The following PCDH15 variants were observed in gnomAD, a reference collection of about 807,000 sequenced individuals.
PCDH15 encodes protocadherin-15.
A neutral mutation model predicts 178.5 loss-of-function variants in PCDH15; 129 were observed. The ratio of observed to expected loss-of-function variants is 0.72; its 90% CI spans 0.63 to 0.84. The LOEUF (loss-of-function observed/expected upper bound fraction) is 0.84. Among genes scored for constraint, PCDH15 ranks in the 40% least tolerant of loss-of-function variants. PCDH15 has a pLI of 0.00. For missense variants in PCDH15, 2,230 were observed against 2,099.9 expected (o/e 1.06, Z -1.21); for synonymous variants, 800 against 732.0 (o/e 1.09, Z -1.50).
chr10:55,283,201 C>T (rs1842777156), intron 1 of PCDH15, among the ~76,000 whole-genome samples: 1 of 152,036 alleles, frequency 6.6e-6, no homozygotes. Flanking sequence ...CTGGATGAAT[C>T]AGCTGGCACC....
chr10:55,210,444 A>T (rs1242297780), intron 1 of PCDH15, among the ~76,000 whole-genome samples: 1 of 151,838 alleles, frequency 6.6e-6, no homozygotes, highest in African/African-American at 2.4e-5. Flanking sequence ...TTTAAAACAT[A>T]ATTTGAAGAA....
intron 2 of PCDH15, among the ~76,000 whole-genome samples, chr10:55,589,366 G>A (rs911022177): frequency 2.0e-5 from 3 of 152,108 alleles, no homozygotes; most frequent in African/African-American, 7.2e-5. Context: ...AGTAGTTATA[G>A]ATATACGGCG....
chr10:54,793,641 T>G (rs1175758249), intron 1 of PCDH15, among the ~76,000 whole-genome samples: 1 of 149,398 alleles, frequency 6.7e-6, no homozygotes, highest in Non-Finnish European at 1.5e-5. Flanking sequence ...AGCCATAATT[T>G]ATATATGTAT....
intron 28 of PCDH15, among the ~76,000 whole-genome samples, chr10:53,841,947 G>GAAAA (rs539058922): frequency 4.0e-5 from 4 of 100,902 alleles, no homozygotes; most frequent in Admixed American, 1.1e-4. Flanking sequence ...TCTCCAAAGG[G>GAAAA]AAAAAAAAAA....
At chr10:55,218,159 G>A (rs574014703) in intron 1 of PCDH15, among the ~76,000 whole-genome samples, 1 of 152,030 alleles carries the variant, frequency 6.6e-6, no homozygotes, top group East Asian at 1.9e-4. Flanking sequence ...TTGCACATGA[G>A]AAAGTGAAAG....
chr10:55,392,287 G>A (rs1420274928), intron 2 of PCDH15, among the ~76,000 whole-genome samples: 2 of 152,206 alleles, frequency 1.3e-5, no homozygotes, highest in Non-Finnish European at 2.9e-5. Flanking sequence ...CTTGCTAAAA[G>A]TGAGGTTGGC....
At chr10:54,122,021 A>ACG (rs2095229468) in intron 15 of PCDH15, among the ~76,000 whole-genome samples, 1 of 150,684 alleles carries the variant, frequency 6.6e-6, no homozygotes, top group African/African-American at 2.5e-5. Context: ...ACACACACAC[A>ACG]CACACACACA....
intron 8 of PCDH15, among the ~76,000 whole-genome samples, chr10:54,271,765 T>C (rs2058061062): frequency 6.6e-6 from 1 of 151,986 alleles, no homozygotes; most frequent in Non-Finnish European, 1.5e-5. Flanking sequence ...TACAACATGT[T>C]TGTGTTCCCA....
intron 2 of PCDH15, among the ~76,000 whole-genome samples, chr10:54,554,576 C>G (rs2086965850): frequency 6.6e-6 from 1 of 151,894 alleles, no homozygotes; most frequent in African/African-American, 2.4e-5. Context: ...GGAGGCTACC[C>G]CAAGACTTTC....
chr10:54,870,555 G>T (rs1391542331), intron 3 of PCDH15, among the ~76,000 whole-genome samples: 6 of 152,154 alleles, frequency 3.9e-5, no homozygotes, highest in Non-Finnish European at 1.5e-5. Flanking sequence ...GGAGGCCGAG[G>T]TGGGCGGATC....
intron 1 of PCDH15, among the ~76,000 whole-genome samples, chr10:54,673,212 C>A (rs2094709960): frequency 6.6e-6 from 1 of 151,872 alleles, no homozygotes; most frequent in Admixed American, 6.6e-5. Flanking sequence ...CTAATGCTAT[C>A]CCTCCCCTAA....
intron 2 of PCDH15, among the ~76,000 whole-genome samples, chr10:54,913,359 C>T (rs1486116395): frequency 6.6e-6 from 1 of 152,166 alleles, no homozygotes; most frequent in African/African-American, 2.4e-5. Flanking sequence ...TCAGAAGGTG[C>T]AAGCCCCAAG....
intron 3 of PCDH15, among the ~76,000 whole-genome samples, chr10:54,386,015 G>T (rs1307827022): frequency 4.0e-5 from 6 of 150,790 alleles, no homozygotes; most frequent in African/African-American, 1.5e-4. Context: ...GTCTTTTTTA[G>T]CTTATTACTT....
intron 2 of PCDH15, among the ~76,000 whole-genome samples, chr10:55,382,403 G>C (rs530196041): frequency 6.6e-6 from 1 of 152,266 alleles, no homozygotes; most frequent in African/African-American, 2.4e-5. Flanking sequence ...GAAGGAGACT[G>C]TGAAGTCTAA....
In PCDH15 at chr10:53,825,127, TTTAC is replaced by T. The variant is rs531963480; in HGVS notation, c.4367+2262_4367+2265del. On this transcript the variant is annotated intron_variant, in intron 32 of 37. Coordinates refer to ENST00000644397, the MANE Select transcript of PCDH15 (RefSeq NM_001384140.1). ...ACGCTCTTCTATTAGAGTGATATTA[TTTAC>T]TTACTTATGCCTATGTATCCACAGG... 2.1e-4 allele frequency: 331 copies of T among 1,540,814 alleles called. 1 individual carries two copies. In the African/African-American group the frequency reaches 2.2e-3, roughly 10 times the overall value.
chr10:55,352,958 T>C (rs879847914), intron 2 of PCDH15, among the ~76,000 whole-genome samples: 1 of 152,118 alleles, frequency 6.6e-6, no homozygotes, highest in African/African-American at 2.4e-5. Flanking sequence ...CACCAAAAAC[T>C]GCAACACCTG....
chr10:54,222,410 G>A (rs2052938482), intron 9 of PCDH15, among the ~76,000 whole-genome samples: 1 of 152,168 alleles, frequency 6.6e-6, no homozygotes, highest in African/African-American at 2.4e-5. Context: ...TTTTGAGAAT[G>A]ACATTTAGAT....
chr10:54,084,089 T>C (rs1211393889), intron 16 of PCDH15, among the ~76,000 whole-genome samples: 2 of 151,484 alleles, frequency 1.3e-5, no homozygotes, highest in East Asian at 4.0e-4. Flanking sequence ...TGCACTTTTT[T>C]TTTTTTATTT....
intron 16 of PCDH15, among the ~76,000 whole-genome samples, chr10:54,085,438 A>C (rs898741589): frequency 2.6e-5 from 4 of 152,148 alleles, no homozygotes; most frequent in African/African-American, 9.7e-5. Context: ...ACCTCCCTTA[A>C]TAAATAACTA....
Sources: allele counts gnomAD v4.1 joint callset (sites outside exome capture counted in the v4.1 genomes callset), GRCh38; gene constraint gnomAD v4.1.1; transcripts MANE v1.5; gene names NCBI Gene and HGNC (gene_info 2026-07-23, HGNC 2026-07-21).